The following DNAH9 variants were observed in gnomAD, a reference collection of about 807,000 sequenced individuals.
The protein encoded by DNAH9 is dynein axonemal heavy chain 9.
A neutral mutation model predicts 471.6 loss-of-function variants in DNAH9; 345 were observed. The ratio of observed to expected loss-of-function variants is 0.73; its 90% CI spans 0.67 to 0.80. The LOEUF (loss-of-function observed/expected upper bound fraction) is 0.80, where lower values mean the gene tolerates loss of function less well. Among genes scored for constraint, DNAH9 ranks in the 30% least tolerant of loss-of-function variants. The pLI is 0.00. For missense variants in DNAH9, 5,407 were observed against 5,609.2 expected (o/e 0.96, Z 1.15); for synonymous variants, 2,093 against 2,123.6 (o/e 0.99, Z 0.40).
At chr17:11,888,256 T>C (rs1972946416) in intron 57 of DNAH9, among the ~76,000 whole-genome samples, 1 of 152,212 alleles carries the variant, frequency 6.6e-6, no homozygotes, top group Non-Finnish European at 1.5e-5. Flanking sequence ...GTGCTGGGAT[T>C]ACAGGCGTGA....
In DNAH9 at chr17:11,781,052, T is replaced by C. The variant is rs1341222074; in HGVS notation, c.7596T>C (p.Tyr2532=). ...TGGAAAAGAAGGCTGGCAGAAACTATGGCCCTCCAGGGAACAAGAAACTCA... is the reference window on the plus strand; with the variant it reads ...TGGAAAAGAAGGCTGGCAGAAACTACGGCCCTCCAGGGAACAAGAAACTCA... ...KPLEKKAGRN[Y]GPPGNKKLIY... The change falls in exon 39 of 69, where the codon TAT becomes TAC. Residue 2532 remains tyrosine (Y), a synonymous_variant. Transcript: ENST00000262442. The C allele has an allele frequency of 1.2e-6, 2 of 1,614,188 alleles. No homozygotes were observed. Among genetic ancestry groups the C allele is most frequent in the Admixed American group, 1.7e-5 (1 of 60,020 alleles).
At chr17:11,742,916 G>T (rs2075453335) in intron 30 of DNAH9, among the ~76,000 whole-genome samples, 1 of 152,168 alleles carries the variant, frequency 6.6e-6, no homozygotes, top group East Asian at 1.9e-4. Flanking sequence ...CAGCCATGTG[G>T]AGTCTGTCCA....
At position 11,612,035 on chromosome 17, in the gene DNAH9, G is replaced by C; in HGVS notation, c.904+255G>C. 3 of 601,034 alleles carry C rather than the reference G, an allele frequency of 5.0e-6. No homozygotes were observed. The South Asian group carries it at 6.0e-5, about 12-fold the overall frequency. The allele number at this position is 601,034 out of a possible 1,614,324, so 37.2% of individuals were successfully genotyped here. A position where few individuals can be genotyped will look rare whatever the true frequency, so the allele number is the denominator to read the frequency against. ...CCTCTGAGCTTTAGTACGTGTGTTG[G>C]TTATGGGGCATACACTTCTGCCTAC... is the stretch of plus-strand genomic sequence containing the variant. On this transcript the variant is annotated intron_variant, in intron 4 of 68. Coordinates refer to ENST00000262442, the MANE Select transcript of DNAH9 (RefSeq NM_001372.4).
chr17:11,862,642 C>T (rs531717462), intron 50 of DNAH9, among the ~76,000 whole-genome samples: 1 of 152,146 alleles, frequency 6.6e-6, no homozygotes, highest in African/African-American at 2.4e-5. Flanking sequence ...TTAATTCTTC[C>T]TACCCATGAG....
intron 67 of DNAH9, among the ~76,000 whole-genome samples, chr17:11,952,111 T>A (rs1187032351): frequency 6.7e-6 from 1 of 150,046 alleles, no homozygotes; most frequent in Non-Finnish European, 1.5e-5. Flanking sequence ...TGTAAACTAT[T>A]ATGTATGTTT....
At chr17:11,655,455 A>G (rs2073621769) in intron 14 of DNAH9, among the ~76,000 whole-genome samples, 1 of 151,678 alleles carries the variant, frequency 6.6e-6, no homozygotes. Flanking sequence ...GCTTCTGTTC[A>G]GTGGTTTTTG....
rs1853173718 is a variant in DNAH9 at position 11,694,001 on chromosome 17, G to A, written c.4745+3G>A. ...AAGCTGGAGGATATTCAGGGCAGGTGAGGGTCCGCCCATTACCCCTTCTCT... is the reference window on the plus strand; with the variant it reads ...AAGCTGGAGGATATTCAGGGCAGGTAAGGGTCCGCCCATTACCCCTTCTCT... On this transcript the variant is annotated splice_donor_region_variant and intron_variant, in intron 21 of 68. Coordinates refer to ENST00000262442, the MANE Select transcript of DNAH9 (RefSeq NM_001372.4). The A allele has an allele frequency of 6.2e-7, 1 of 1,613,640 alleles. No homozygotes were observed.
intron 22 of DNAH9, among the ~76,000 whole-genome samples, chr17:11,699,092 T>C (rs1027858210): frequency 4.0e-5 from 6 of 151,758 alleles, no homozygotes; most frequent in African/African-American, 1.5e-4. Context: ...CTACTAAAAA[T>C]ACAAAAATTA....
intron 22 of DNAH9, among the ~76,000 whole-genome samples, chr17:11,696,085 G>C (rs1235856847): frequency 1.3e-5 from 2 of 152,166 alleles, no homozygotes; most frequent in Non-Finnish European, 2.9e-5. Flanking sequence ...AACCACGTCT[G>C]TTCCACCCAC....
intron 41 of DNAH9, among the ~76,000 whole-genome samples, chr17:11,786,837 G>A (rs1226260563): frequency 6.6e-6 from 1 of 152,144 alleles, no homozygotes; most frequent in Non-Finnish European, 1.5e-5. Flanking sequence ...CTGTTTCTCT[G>A]CCTGATTCAG....
Position 11,858,283 on chromosome 17 carries a change from G to A in DNAH9, c.9933+3855G>A, listed in dbSNP as rs557728295. ...GAGAAACAAGAATCCCTTTTAATTCGTATATCTGTTTCTGGTGCTTGAGAT... is the reference window on the plus strand; with the variant it reads ...GAGAAACAAGAATCCCTTTTAATTCATATATCTGTTTCTGGTGCTTGAGAT... On this transcript the variant is annotated intron_variant, in intron 50 of 68. Transcript: ENST00000262442. Among the ~76,000 whole-genome samples the A allele has an allele frequency of 2.6e-3, 395 of 152,314 alleles. 2 individuals are homozygous for A. The highest frequency in any genetic ancestry group is 3.6e-3 in the Non-Finnish European group (247 of 68,016).
intron 61 of DNAH9, among the ~76,000 whole-genome samples, chr17:11,922,763 A>G (rs889180268): frequency 3.3e-5 from 5 of 152,236 alleles, no homozygotes; most frequent in East Asian, 1.9e-4. Flanking sequence ...AATAGGGCAT[A>G]AAGTACAGGA....
At chr17:11,744,550 C>T (rs530469498) in intron 30 of DNAH9, among the ~76,000 whole-genome samples, 1 of 152,298 alleles carries the variant, frequency 6.6e-6, no homozygotes, top group East Asian at 1.9e-4. Context: ...TCTGTTTGAT[C>T]TCTTTGACCC....
intron 38 of DNAH9, among the ~76,000 whole-genome samples, chr17:11,775,162 T>A (rs1254043890): frequency 6.6e-6 from 1 of 152,214 alleles, no homozygotes. Context: ...TCACTCAGCA[T>A]GATTTTGAGA....
At chr17:11,670,323 T>C (rs2073952855) in intron 17 of DNAH9, among the ~76,000 whole-genome samples, 1 of 152,212 alleles carries the variant, frequency 6.6e-6, no homozygotes, top group Non-Finnish European at 1.5e-5. Flanking sequence ...CTAGGCTCTC[T>C]AAGCCAGAGC....
intron 22 of DNAH9, among the ~76,000 whole-genome samples, chr17:11,697,860 CTTTA>C (rs1194273712): frequency 1.3e-5 from 2 of 151,428 alleles, no homozygotes; most frequent in Non-Finnish European, 2.9e-5. Context: ...AGTCTCCTTA[CTTTA>C]TTTCTCTACC....
Position 11,669,445 on chromosome 17 carries a change from C to T in DNAH9, c.3004C>T (p.Leu1002Phe). 6.2e-7 allele frequency: 1 copy of T among 1,614,090 alleles called. No individual in the cohort carries two copies. The highest frequency in any genetic ancestry group is 8.5e-7 in the Non-Finnish European group (1 of 1,180,002). The part of the protein sequence containing the change: ...LMERVQRMMG[L>F]CCGYQSTFSQ... ...GGAGAGAGTCCAGAGAATGATGGGC[C>T]TCTGCTGTGGCTATCAGAGCACCTT... The change falls in exon 17 of 69, where the codon CTC becomes TTC. Residue 1002 changes from leucine (L) to phenylalanine (F), a missense_variant. This residue lies in a region of DNAH9 where 4,636 missense variants were observed against 4,900.3 expected (regional missense o/e 0.95). Coordinates refer to ENST00000262442, the MANE Select transcript of DNAH9 (RefSeq NM_001372.4).
At chr17:11,634,897 C>A (rs1277933393) in intron 8 of DNAH9, among the ~76,000 whole-genome samples, 1 of 151,842 alleles carries the variant, frequency 6.6e-6, no homozygotes, top group African/African-American at 2.4e-5. Context: ...CTTGCACTCC[C>A]TCCAGGATTG....
intron 49 of DNAH9, among the ~76,000 whole-genome samples, chr17:11,846,170 G>A (rs1971217364): frequency 2.2e-5 from 3 of 135,688 alleles, no homozygotes; most frequent in Admixed American, 7.4e-5. Context: ...ATCTTGAATT[G>A]ATTTTTGTAT....
Sources: allele counts gnomAD v4.1 joint callset (sites outside exome capture counted in the v4.1 genomes callset), GRCh38; gene constraint gnomAD v4.1.1; regional missense constraint gnomAD v4.1.1; transcripts MANE v1.5; gene names NCBI Gene and HGNC (gene_info 2026-07-23, HGNC 2026-07-21).